Variants in ANK2 observed in about 807,000 individuals in gnomAD.
ANK2 encodes ankyrin 2.
Under a neutral mutation model 360.5 loss-of-function variants are expected in ANK2, and 83 were observed. The ratio of observed to expected loss-of-function variants is 0.23; its 90% CI spans 0.19 to 0.28. The LOEUF is 0.28. ANK2 is among the 10% of genes least tolerant of loss of function. The pLI, the probability that ANK2 is intolerant of heterozygous loss-of-function variation, is 1.00. For missense variants in ANK2, 4,201 were observed against 4,795.7 expected (o/e 0.88, Z 3.66); for synonymous variants, 1,740 against 1,759.5 (o/e 0.99, Z 0.28).
intron 1 of ANK2, among the ~76,000 whole-genome samples, chr4:112,872,642 G>T (rs1180192825): frequency 6.6e-6 from 1 of 152,134 alleles, no homozygotes; most frequent in Non-Finnish European, 1.5e-5. Context: ...TGGTGCATCT[G>T]TATTCTTAAG....
chr4:112,832,905 A>C (rs750064691), intron 1 of ANK2, among the ~76,000 whole-genome samples: 36 of 152,250 alleles, frequency 2.4e-4, no homozygotes, highest in Non-Finnish European at 4.6e-4. Context: ...TCATCTGATT[A>C]AATTGTTTGA....
the ANK2 span, among the ~76,000 whole-genome samples, chr4:112,733,425 C>T: frequency 1.3e-5 from 2 of 152,062 alleles, no homozygotes; most frequent in Non-Finnish European, 2.9e-5. Flanking sequence ...CCATATGTAG[C>T]CCATAGCTCT....
At chr4:113,145,951 C>G (rs118148584) in intron 1 of ANK2, 1 of 1,289,814 alleles carries the variant, frequency 7.8e-7, no homozygotes, top group South Asian at 1.2e-5. Context: ...CTGGATAAAA[C>G]CCCAGACTAC....
intron 4 of ANK2, among the ~76,000 whole-genome samples, chr4:113,201,425 T>C (rs1003320699): frequency 6.6e-6 from 1 of 152,186 alleles, no homozygotes. Context: ...TTCTGAACTA[T>C]GGCTTTAGCA....
the ANK2 span, among the ~76,000 whole-genome samples, chr4:112,775,544 C>CACACAT: frequency 8.3e-4 from 125 of 151,450 alleles, no homozygotes; most frequent in African/African-American, 2.9e-3. Context: ...CACACACACA[C>CACACAT]AAGAAAAAAA....
At chr4:113,206,250 T>C (rs1376295134) in intron 4 of ANK2, among the ~76,000 whole-genome samples, 12 of 152,242 alleles carry the variant, frequency 7.9e-5, no homozygotes, top group African/African-American at 2.9e-4. Context: ...TCTCTCCCCC[T>C]GCCCCCTGAC....
At chr4:113,242,996 T>G (rs778765986) in intron 9 of ANK2, among the ~76,000 whole-genome samples, 12 of 152,212 alleles carry the variant, frequency 7.9e-5, no homozygotes, top group Non-Finnish European at 1.6e-4. Context: ...CTTAGGTATA[T>G]TATTTACCAT....
chr4:113,369,362 T>C (rs547816821), intron 42 of ANK2, 152 bp from the exon 43 acceptor site: 1 of 794,186 alleles, frequency 1.3e-6, no homozygotes, highest in African/African-American at 1.7e-5. Context: ...TTATTTTTCT[T>C]CAAATGTCCT....
At chr4:113,161,681 TTTTG>T (rs1232694780) in intron 1 of ANK2, among the ~76,000 whole-genome samples, 1 of 149,860 alleles carries the variant, frequency 6.7e-6, no homozygotes, top group African/African-American at 2.5e-5. Context: ...CTGTACAAAA[TTTTG>T]TTTTAGTCTC....
At position 113,104,710 on chromosome 4, in the gene ANK2, A is replaced by G. The variant is rs1230800570; in HGVS notation, c.84+54898A>G. ...AGCTTTGGTGATAGAACGAGATTCC[A>G]TCTCAAAGCTAAACAACAACAACAA... On this transcript the variant is annotated intron_variant, in intron 1 of 45. Transcript: ENST00000357077. 1.2e-4 allele frequency among the ~76,000 whole-genome samples: 18 copies of G among 144,188 alleles called. No individual in the cohort carries two copies. The Admixed American group carries it at 1.3e-3, about 10-fold the overall frequency. 94.6% of individuals were successfully genotyped at this position (144,188 alleles called of 152,430 possible).
At chr4:112,792,068 T>C in the ANK2 span, among the ~76,000 whole-genome samples, 1 of 141,506 alleles carries the variant, frequency 7.1e-6, no homozygotes, top group Non-Finnish European at 1.5e-5. Context: ...TGAGACGGAG[T>C]TTTGCTCTTG....
intron 2 of ANK2, among the ~76,000 whole-genome samples, chr4:112,951,183 A>C (rs1187670645): frequency 2.6e-5 from 4 of 152,072 alleles, no homozygotes; most frequent in South Asian, 2.1e-4. Context: ...ACAGAGATAC[A>C]TTTGGTTGTG....
chr4:112,894,272 GA>G (rs1282134821), intron 1 of ANK2, among the ~76,000 whole-genome samples: 1 of 152,156 alleles, frequency 6.6e-6, no homozygotes, highest in Non-Finnish European at 1.5e-5. Context: ...CTGTCCTTGA[GA>G]AATTCAGTCT....
At chr4:113,219,659 C>A (rs2099128058) in intron 4 of ANK2, among the ~76,000 whole-genome samples, 1 of 152,068 alleles carries the variant, frequency 6.6e-6, no homozygotes, top group Admixed American at 6.5e-5. Context: ...TAACCTCATA[C>A]TTGAAAATCT....
intron 14 of ANK2, among the ~76,000 whole-genome samples, chr4:113,269,652 A>G (rs2057739521): frequency 6.6e-6 from 1 of 152,192 alleles, no homozygotes; most frequent in Non-Finnish European, 1.5e-5. Context: ...CCTCAGTTGG[A>G]AATGCATAAA....
chr4:112,932,133 G>A (rs1178357698), intron 2 of ANK2, among the ~76,000 whole-genome samples: 3 of 152,108 alleles, frequency 2.0e-5, no homozygotes, highest in South Asian at 4.1e-4. Context: ...GAGACGGGTG[G>A]ATCACAAGGT....
intron 5 of ANK2, among the ~76,000 whole-genome samples, chr4:113,236,212 A>C (rs2099382594): frequency 6.6e-6 from 1 of 152,092 alleles, no homozygotes; most frequent in Non-Finnish European, 1.5e-5. Context: ...CTTTCCAGGA[A>C]CTGAATTCTT....
chr4:113,260,997 A>G (rs2052532664), intron 13 of ANK2, among the ~76,000 whole-genome samples: 1 of 152,296 alleles, frequency 6.6e-6, no homozygotes, highest in South Asian at 2.1e-4. Flanking sequence ...ATGCTTTTCA[A>G]CTTGATGCGC....
At chr4:113,116,114 C>T (rs2094743953) in intron 1 of ANK2, among the ~76,000 whole-genome samples, 1 of 152,072 alleles carries the variant, frequency 6.6e-6, no homozygotes, top group Admixed American at 6.6e-5. Flanking sequence ...CTTGTATCCT[C>T]TTTCCTCTTT....
Sources: allele counts gnomAD v4.1 joint callset (sites outside exome capture counted in the v4.1 genomes callset), GRCh38; gene constraint gnomAD v4.1.1; transcripts MANE v1.5; gene names NCBI Gene and HGNC (gene_info 2026-07-23, HGNC 2026-07-21).